Variants in SLC13A3 observed in about 807,000 individuals in gnomAD.
The protein encoded by SLC13A3 is Na(+)/dicarboxylate cotransporter 3.
In SLC13A3, 40 loss-of-function variants were observed where a neutral mutation model predicts 59.0. That is an observed-to-expected ratio of 0.68 (90% CI 0.53 to 0.88). The LOEUF (loss-of-function observed/expected upper bound fraction) is 0.88. Among genes scored for constraint, SLC13A3 ranks in the 40% least tolerant of loss-of-function variants. The pLI is 0.00. For missense variants in SLC13A3, 699 were observed against 783.2 expected (o/e 0.89, Z 1.28); for synonymous variants, 317 against 330.3 (o/e 0.96, Z 0.44).
At chr20:46,631,307 T>C (rs565821555) in intron 1 of SLC13A3, among the ~76,000 whole-genome samples, 47 of 152,340 alleles carry the variant, frequency 3.1e-4, no homozygotes, top group African/African-American at 1.1e-3. Context: ...TCCACAGTGC[T>C]GAACAAAGTG....
intron 1 of SLC13A3, among the ~76,000 whole-genome samples, chr20:46,675,554 T>A (rs1290971741): frequency 2.0e-5 from 3 of 151,014 alleles, no homozygotes; most frequent in Non-Finnish European, 4.4e-5. Context: ...CCCCTTTTTT[T>A]TTCTTTCTTT....
At chr20:46,579,722 C>T (rs535291626) in intron 9 of SLC13A3, among the ~76,000 whole-genome samples, 3 of 152,260 alleles carry the variant, frequency 2.0e-5, no homozygotes, top group Non-Finnish European at 4.4e-5. Flanking sequence ...CTGTTGTTGG[C>T]CCACATAGTA....
chr20:46,656,589 A>G (rs2062996232), intron 1 of SLC13A3, among the ~76,000 whole-genome samples: 1 of 146,610 alleles, frequency 6.8e-6, no homozygotes. Context: ...CATATATTAT[A>G]CTGTATATGA....
chr20:46,649,111 C>T (rs1032218656), intron 1 of SLC13A3, among the ~76,000 whole-genome samples: 2 of 152,162 alleles, frequency 1.3e-5, no homozygotes, highest in African/African-American at 4.8e-5. Flanking sequence ...GTGGGCATTA[C>T]ATGGGACAAG....
intron 1 of SLC13A3, among the ~76,000 whole-genome samples, chr20:46,631,983 C>T (rs1241931741): frequency 2.0e-5 from 3 of 152,054 alleles, no homozygotes; most frequent in East Asian, 1.9e-4. Flanking sequence ...TCCACCACCA[C>T]TGTCCCCTTC....
At chr20:46,604,968 T>C (rs2062423271) in intron 3 of SLC13A3, among the ~76,000 whole-genome samples, 1 of 152,188 alleles carries the variant, frequency 6.6e-6, no homozygotes, top group Admixed American at 6.5e-5. Flanking sequence ...AGGTGATTCC[T>C]TTATGCAGCC....
In SLC13A3 at chr20:46,561,022, G is replaced by A. The variant is rs1198891577; in HGVS notation, c.1633-824C>T. ...GGGGCCCCCAAATTACTAAGCTAAA[G>A]AGAAAAGTCAAACTGGGAACTACTT... On this transcript the variant is annotated intron_variant, in intron 12 of 12. Transcript: ENST00000279027. 2.0e-5 allele frequency among the ~76,000 whole-genome samples: 3 copies of A among 152,180 alleles called. No individual in the cohort carries two copies. In the East Asian group the frequency reaches 5.8e-4, roughly 29 times the overall value.
At chr20:46,571,238 G>A (rs2062026277) in intron 10 of SLC13A3, among the ~76,000 whole-genome samples, 1 of 152,178 alleles carries the variant, frequency 6.6e-6, no homozygotes, top group Non-Finnish European at 1.5e-5. Context: ...TTCAGGATGA[G>A]ATTTGGGTGG....
chr20:46,588,762 C>A (rs116760254), intron 7 of SLC13A3, among the ~76,000 whole-genome samples: 1 of 152,130 alleles, frequency 6.6e-6, no homozygotes. Flanking sequence ...CAAAGCCACA[C>A]AGGACATGAG....
intron 1 of SLC13A3, among the ~76,000 whole-genome samples, chr20:46,624,126 G>C (rs1415239038): frequency 6.6e-6 from 1 of 152,078 alleles, no homozygotes; most frequent in Non-Finnish European, 1.5e-5. Flanking sequence ...CTCCCACAAG[G>C]CATGCTAATA....
chr20:46,583,324 G>T, intron 9 of SLC13A3: 4 of 1,039,766 alleles, frequency 3.8e-6, no homozygotes, highest in East Asian at 3.8e-5. Flanking sequence ...ACTGTGCTTA[G>T]CTCACAGGCT....
At chr20:46,655,875 A>AT (rs2062983692), upstream of SLC13A3, among the ~76,000 whole-genome samples, 1 of 143,222 alleles carries the variant, frequency 7.0e-6, no homozygotes, top group African/African-American at 2.6e-5. Context: ...TGTACAGTAT[A>AT]TATTATACTG....
chr20:46,592,972 T>G (rs1735567540), intron 5 of SLC13A3, among the ~76,000 whole-genome samples: 1 of 152,244 alleles, frequency 6.6e-6, no homozygotes. Flanking sequence ...ATGAAAATGT[T>G]TTAATGAATG....
At chr20:46,633,529 A>G (rs139736040) in intron 1 of SLC13A3, among the ~76,000 whole-genome samples, 88 of 152,164 alleles carry the variant, frequency 5.8e-4, no homozygotes, top group African/African-American at 2.0e-3. Flanking sequence ...GGACATGGCT[A>G]TGCTTTGACA....
upstream of SLC13A3, among the ~76,000 whole-genome samples, chr20:46,654,718 A>G (rs922395072): frequency 1.3e-5 from 2 of 152,102 alleles, no homozygotes; most frequent in African/African-American, 4.8e-5. Context: ...TTTAGTAGAG[A>G]CGGGTTTACA....
At chr20:46,602,002 C>A (rs2062385130) in intron 3 of SLC13A3, among the ~76,000 whole-genome samples, 1 of 152,240 alleles carries the variant, frequency 6.6e-6, no homozygotes, top group Non-Finnish European at 1.5e-5. Context: ...AGCATTTGAG[C>A]AGAGGAGGCT....
At chr20:46,662,152 T>C (rs187311399) in intron 1 of SLC13A3, among the ~76,000 whole-genome samples, 1 of 152,350 alleles carries the variant, frequency 6.6e-6, no homozygotes, top group East Asian at 1.9e-4. Flanking sequence ...TCCCCCATTA[T>C]GATCTTGGCA....
intron 1 of SLC13A3, chr20:46,684,283 G>A (rs988538925): frequency 6.6e-6 from 1 of 152,226 alleles, no homozygotes; most frequent in Non-Finnish European, 1.5e-5. Context: ...CCCTCTATTA[G>A]ATCTCCAGTG....
chr20:46,592,568 C>A, intron 5 of SLC13A3, 39 bp from the exon 6 acceptor site: 1 of 1,609,742 alleles, frequency 6.2e-7, no homozygotes, highest in Non-Finnish European at 8.5e-7. Flanking sequence ...CCAAGGGCAG[C>A]CATGCCCATT....
Sources: allele counts gnomAD v4.1 joint callset (sites outside exome capture counted in the v4.1 genomes callset), GRCh38; gene constraint gnomAD v4.1.1; transcripts MANE v1.5; gene names NCBI Gene and HGNC (gene_info 2026-07-23, HGNC 2026-07-21).